SLC49A4: variants seen among roughly 807,000 people sequenced by gnomAD.
The protein encoded by SLC49A4 is disrupted in renal cancer protein 2.
SLC49A4 carries 36 observed loss-of-function variants against 50.6 expected under a neutral mutation model. That is an observed-to-expected ratio of 0.71 (90% CI 0.55 to 0.94). SLC49A4 has a LOEUF of 0.94. SLC49A4 is among the 40% of genes least tolerant of loss of function. The pLI is 0.00. For synonymous variants in SLC49A4, 248 were observed against 241.2 expected (o/e 1.03, Z -0.26); for missense variants, 503 against 605.7 (o/e 0.83, Z 1.78).
intron 2 of SLC49A4, among the ~76,000 whole-genome samples, chr3:122,812,226 A>T (rs574033142): frequency 1.3e-5 from 2 of 152,286 alleles, no homozygotes; most frequent in East Asian, 1.9e-4. Flanking sequence ...AAGTGCTGGG[A>T]TTACAGGTGT....
chr3:122,872,421 T>C lies in SLC49A4; in HGVS notation c.1145T>C (p.Leu382Ser). Residue 382 changes from leucine (L) to serine (S), a missense_variant, in exon 8 of 9, where the codon TTG becomes TCG. Leu to Ser is a moderately radical substitution (Grantham distance 145). Coordinates refer to ENST00000261038, the MANE Select transcript of SLC49A4 (RefSeq NM_032839.3). ...GTTTGTGTTTTTATTTTAGTGACAT[T>C]GTATGCCTCCTGTATTCTCCTGGGA... ...ITHLPLTTVT[L>S]YASCILLGVF... 1.2e-6 allele frequency: 2 copies of C among 1,605,958 alleles called. No individual in the cohort carries two copies. The highest frequency in any genetic ancestry group is 1.7e-6 in the Non-Finnish European group (2 of 1,177,846).
chr3:122,813,545 A>G (rs1936327798), intron 2 of SLC49A4, among the ~76,000 whole-genome samples: 1 of 152,194 alleles, frequency 6.6e-6, no homozygotes, highest in African/African-American at 2.4e-5. Context: ...ATATCATCAC[A>G]ATCATGAATG....
At chr3:122,826,723 CT>C in intron 2 of SLC49A4, 76 bp from the exon 3 acceptor site, 1 of 1,459,686 alleles carries the variant, frequency 6.9e-7, no homozygotes, top group Non-Finnish European at 9.4e-7. Context: ...TTAAAAACTG[CT>C]GTTTGGCTCA....
At chr3:122,865,748 A>T (rs887077648) in intron 7 of SLC49A4, among the ~76,000 whole-genome samples, 1 of 152,210 alleles carries the variant, frequency 6.6e-6, no homozygotes, top group Non-Finnish European at 1.5e-5. Flanking sequence ...AATAATTCCC[A>T]GTTAACTTTC....
intron 5 of SLC49A4, among the ~76,000 whole-genome samples, chr3:122,846,673 C>A (rs1009752838): frequency 1.3e-5 from 2 of 152,220 alleles, no homozygotes; most frequent in African/African-American, 2.4e-5. Flanking sequence ...CATCCCACAT[C>A]ATTTGCCACT....
At chr3:122,875,914 TC>T (rs1937261413) in intron 8 of SLC49A4, among the ~76,000 whole-genome samples, 1 of 152,200 alleles carries the variant, frequency 6.6e-6, no homozygotes, top group Non-Finnish European at 1.5e-5. Context: ...TGGTTCAGGC[TC>T]CTATACCAAT....
chr3:122,841,532 C>T (rs78998292), intron 4 of SLC49A4, among the ~76,000 whole-genome samples: 7,820 of 152,262 alleles, frequency 0.051, 272 homozygotes, highest in Middle Eastern at 0.11. Context: ...AAAATGTACT[C>T]CTACCAAACA....
At chr3:122,855,305 TAAG>T (rs902080784) in intron 5 of SLC49A4, among the ~76,000 whole-genome samples, 1 of 152,148 alleles carries the variant, frequency 6.6e-6, no homozygotes, top group Non-Finnish European at 1.5e-5. Context: ...GAAGACCATT[TAAG>T]AAGCTCTGAC....
intron 1 of SLC49A4, among the ~76,000 whole-genome samples, chr3:122,804,876 T>A (rs1288650482): frequency 1.3e-5 from 2 of 152,240 alleles, no homozygotes; most frequent in East Asian, 3.8e-4. Flanking sequence ...ATAAAAAGCA[T>A]AACTGAGTAA....
chr3:122,798,610 T>C (rs1201246314), intron 1 of SLC49A4, among the ~76,000 whole-genome samples: 1 of 148,902 alleles, frequency 6.7e-6, no homozygotes, highest in African/African-American at 2.4e-5. Context: ...TTCTTGCTTC[T>C]GGCATCCTTG....
At chr3:122,847,734 T>C (rs967844422) in intron 5 of SLC49A4, among the ~76,000 whole-genome samples, 1 of 151,978 alleles carries the variant, frequency 6.6e-6, no homozygotes, top group Non-Finnish European at 1.5e-5. Context: ...GTCTCAAATA[T>C]AGATACATAA....
chr3:122,840,586 C>T (rs1936757414), intron 4 of SLC49A4, among the ~76,000 whole-genome samples: 1 of 151,988 alleles, frequency 6.6e-6, no homozygotes, highest in Admixed American at 6.6e-5. Context: ...ATTATTTTAA[C>T]ATGTAATCAA....
At chr3:122,808,672 G>A (rs1455377697) in intron 2 of SLC49A4, among the ~76,000 whole-genome samples, 1 of 152,150 alleles carries the variant, frequency 6.6e-6, no homozygotes, top group East Asian at 1.9e-4. Flanking sequence ...AGCTGAGAGT[G>A]CCATGGTGCT....
At chr3:122,842,279 G>T (rs1006543377) in intron 4 of SLC49A4, among the ~76,000 whole-genome samples, 8 of 151,986 alleles carry the variant, frequency 5.3e-5, no homozygotes, top group African/African-American at 1.9e-4. Flanking sequence ...GAGGTCAGGA[G>T]ATCGAGACCA....
At chr3:122,818,655 T>A (rs1936409716) in intron 2 of SLC49A4, among the ~76,000 whole-genome samples, 5 of 152,162 alleles carry the variant, frequency 3.3e-5, no homozygotes, top group Admixed American at 3.3e-4. Context: ...AAAAATCTTG[T>A]GAGAGAAACT....
At position 122,872,435 on chromosome 3, in the gene SLC49A4, A is replaced by G; in HGVS notation, c.1159A>G (p.Ile387Val). The change falls in exon 8 of 9, where the codon ATT becomes GTT. Residue 387 changes from isoleucine (I) to valine (V), a missense_variant. Physicochemically the swap from Ile to Val is conservative, Grantham distance 29. Coordinates refer to ENST00000261038, the MANE Select transcript of SLC49A4 (RefSeq NM_032839.3). ...LTTVTLYASC[I>V]LLGVFLNSSV... ...TTTAGTGACATTGTATGCCTCCTGT[A>G]TTCTCCTGGGAGTGTTCTTGAATAG... is the stretch of plus-strand genomic sequence containing the variant. 2.5e-6 allele frequency: 4 copies of G among 1,611,702 alleles called. No homozygotes were observed. Among genetic ancestry groups the G allele is most frequent in the Non-Finnish European group, 3.4e-6 (4 of 1,179,428 alleles).
chr3:122,851,842 T>A (rs920106712), intron 5 of SLC49A4, among the ~76,000 whole-genome samples: 2 of 152,154 alleles, frequency 1.3e-5, no homozygotes, highest in African/African-American at 4.8e-5. Context: ...CTTTTTTTTG[T>A]TATGACATAT....
chr3:122,819,302 CAGAA>C (rs2107562345), intron 2 of SLC49A4, among the ~76,000 whole-genome samples: 1 of 144,838 alleles, frequency 6.9e-6, no homozygotes, highest in South Asian at 2.2e-4. Flanking sequence ...GAAATTGAAA[CAGAA>C]AGAGAATGTG....
At chr3:122,873,810 A>G (rs1309619315) in intron 8 of SLC49A4, among the ~76,000 whole-genome samples, 1 of 152,248 alleles carries the variant, frequency 6.6e-6, no homozygotes, top group East Asian at 1.9e-4. Flanking sequence ...TTTTCTCAAC[A>G]ACGAAGTCTG....
Sources: allele counts gnomAD v4.1 joint callset (sites outside exome capture counted in the v4.1 genomes callset), GRCh38; gene constraint gnomAD v4.1.1; transcripts MANE v1.5; gene names NCBI Gene and HGNC (gene_info 2026-07-23, HGNC 2026-07-21).